Variants in FBLN2 observed in about 807,000 individuals in gnomAD.
The protein encoded by FBLN2 is fibulin 2.
FBLN2 carries 81 observed loss-of-function variants against 123.7 expected under a neutral mutation model. The ratio of observed to expected loss-of-function variants is 0.65; its 90% confidence interval spans 0.55 to 0.79. FBLN2 has a LOEUF of 0.79. Ranked by LOEUF, FBLN2 falls within the 30% of genes least tolerant of loss-of-function variation. The pLI is 0.00. For synonymous variants in FBLN2, 699 were observed against 701.4 expected (o/e 1.00, Z 0.05); for missense variants, 1,603 against 1,681.3 (o/e 0.95, Z 0.81).
chr3:13,564,529 G>A (rs896043078), intron 1 of FBLN2, among the ~76,000 whole-genome samples: 1 of 152,224 alleles, frequency 6.6e-6, no homozygotes, highest in Admixed American at 6.5e-5. Context: ...GCCAAATACT[G>A]TACAGGACAT....
At chr3:13,627,142 T>C (rs74478654) in intron 10 of FBLN2, among the ~76,000 whole-genome samples, 4,904 of 151,726 alleles carry the variant, frequency 0.032, 258 homozygotes, top group African/African-American at 0.11. Flanking sequence ...GGGGCCCCTG[T>C]AAGTGGTGGG....
chr3:13,621,972 C>T (rs1423292452), intron 9 of FBLN2, 57 bp downstream of exon 9: 2 of 1,580,312 alleles, frequency 1.3e-6, no homozygotes, highest in Admixed American at 1.7e-5. Context: ...TGCTCCACGC[C>T]AAGCCCACCA....
intron 16 of FBLN2, among the ~76,000 whole-genome samples, chr3:13,633,180 G>C (rs547698574): frequency 9.2e-5 from 14 of 152,372 alleles, no homozygotes; most frequent in African/African-American, 3.1e-4. Context: ...CCACTAGAGA[G>C]GGCTTCCCGG....
At chr3:13,627,998 A>G in intron 11 of FBLN2, 29 bp downstream of exon 11, 1 of 1,608,956 alleles carries the variant, frequency 6.2e-7, no homozygotes, top group Non-Finnish European at 8.5e-7. Context: ...GCTGGGGATC[A>G]TCAGCCTAGG....
chr3:13,568,195 G>A (rs1004227192), intron 1 of FBLN2, among the ~76,000 whole-genome samples: 3 of 152,174 alleles, frequency 2.0e-5, no homozygotes, highest in African/African-American at 7.2e-5. Context: ...CCCTGAGCCT[G>A]GTCTGGGCAT....
chr3:13,568,894 G>C, intron 1 of FBLN2: 1 of 985,728 alleles, frequency 1.0e-6, no homozygotes, highest in Non-Finnish European at 1.2e-6. Context: ...ATAAACCCCT[G>C]GTTCCTAGAG....
intron 2 of FBLN2, 101 bp downstream of exon 2, chr3:13,571,762 G>T (rs1313043181): frequency 7.2e-7 from 1 of 1,382,478 alleles, no homozygotes; most frequent in Non-Finnish European, 9.6e-7. Flanking sequence ...GGGGATGCTG[G>T]ACTGTGGGGC....
intron 2 of FBLN2, among the ~76,000 whole-genome samples, chr3:13,578,376 G>A (rs904197070): frequency 3.3e-5 from 5 of 152,026 alleles, no homozygotes; most frequent in Admixed American, 6.5e-5. Flanking sequence ...CCCAGTCCCC[G>A]GTAGCCAGGA....
In FBLN2 at chr3:13,575,235, G is replaced by A. The variant is rs987895016; in HGVS notation, c.1306+3574G>A. Among the ~76,000 whole-genome samples the A allele has an allele frequency of 3.1e-4, 47 of 152,280 alleles. No homozygotes were observed. The East Asian group carries it at 6.2e-3, about 20-fold the overall frequency. ...AAACTGAGGCACAAAACCATAAGCC[G>A]CATGCTCAGATTCTGTGGGTTGAGC... On this transcript the variant is annotated intron_variant, in intron 2 of 17. Transcript: ENST00000404922.
intron 2 of FBLN2, among the ~76,000 whole-genome samples, chr3:13,603,147 G>A (rs1312720661): frequency 6.6e-6 from 1 of 151,694 alleles, no homozygotes; most frequent in Admixed American, 6.6e-5. Flanking sequence ...TCCTGACCTC[G>A]TGATCCGCAT....
chr3:13,612,565 T>C (rs1365372066), intron 4 of FBLN2, among the ~76,000 whole-genome samples: 8 of 151,928 alleles, frequency 5.3e-5, no homozygotes, highest in Admixed American at 5.2e-4. Context: ...GTATTTTTAG[T>C]AGAGACGGGG....
chr3:13,558,331 A>C (rs900209789), intron 1 of FBLN2, among the ~76,000 whole-genome samples: 1 of 151,662 alleles, frequency 6.6e-6, no homozygotes, highest in Non-Finnish European at 1.5e-5. Context: ...TGTCTCTGTC[A>C]GTCTCTGTGT....
At chr3:13,591,208 C>T (rs1287865383) in intron 2 of FBLN2, among the ~76,000 whole-genome samples, 1 of 152,182 alleles carries the variant, frequency 6.6e-6, no homozygotes, top group African/African-American at 2.4e-5. Flanking sequence ...TGTCATTTGC[C>T]TATTTTAAAA....
chr3:13,549,265 G>A, intron 1 of FBLN2, 57 bp downstream of exon 1: 1 of 969,992 alleles, frequency 1.0e-6, no homozygotes, highest in Non-Finnish European at 1.2e-6. Flanking sequence ...GCGCCTCGCA[G>A]CTCAGGACTC....
intron 2 of FBLN2, 132 bp from the exon 3 acceptor site, chr3:13,607,930 G>T (rs1046167296): frequency 4.7e-5 from 31 of 658,274 alleles, no homozygotes; most frequent in Admixed American, 3.2e-4. Context: ...TGAGCTGTTA[G>T]CGACCAGCAT....
intron 2 of FBLN2, among the ~76,000 whole-genome samples, chr3:13,604,952 C>T: frequency 6.6e-6 from 1 of 152,218 alleles, no homozygotes; most frequent in East Asian, 1.9e-4. Context: ...AGCCCTGTGC[C>T]CTTACGTGAA....
At position 13,619,801 on chromosome 3, in the gene FBLN2, G is replaced by A. The variant is rs1158252692; in HGVS notation, c.2125G>A (p.Ala709Thr). The A allele has an allele frequency of 6.8e-6, 11 of 1,612,620 alleles. No homozygotes were observed. Among genetic ancestry groups the A allele is most frequent in the South Asian group, 1.1e-5 (1 of 90,816 alleles). The change falls in exon 8 of 18, where the codon GCC (alanine) becomes ACC (threonine). Residue 709 changes from alanine (A) to threonine (T), a missense_variant. By Grantham distance (58) the Ala-to-Thr change is moderately conservative (BLOSUM62 0). Coordinates refer to ENST00000404922, the MANE Select transcript of FBLN2 (RefSeq NM_001004019.2). ...CATATGCTCCTGTTTTCCCGGCTAT[G>A]CCATCATGGCGGATGGCGTGTCCTG... ...SAICSCFPGY[A>T]IMADGVSCED...
At chr3:13,557,926 C>T (rs1703504369) in intron 1 of FBLN2, among the ~76,000 whole-genome samples, 1 of 152,220 alleles carries the variant, frequency 6.6e-6, no homozygotes, top group Non-Finnish European at 1.5e-5. Context: ...CTGGCTGTCT[C>T]CCTTGGCTTT....
chr3:13,629,279 C>G lies in FBLN2; in HGVS notation c.2829C>G (p.Gly943=), dbSNP rs1477765077. ...CCGGCTTTCAGCGGGATGCCTTTGG[C>G]CGGGGCTGCATCGGTAGGTAGGCTG... The part of the protein sequence containing the change: ...CKAGFQRDAF[G]RGCIDVNECW... Residue 943 remains glycine (G), a synonymous_variant, in exon 13 of 18, where the codon GGC becomes GGG. Transcript: ENST00000404922. 6.2e-7 allele frequency: 1 copy of G among 1,609,434 alleles called. No homozygotes were observed. Among genetic ancestry groups the G allele is most frequent in the Non-Finnish European group, 8.5e-7 (1 of 1,178,692 alleles).
Sources: allele counts gnomAD v4.1 joint callset (sites outside exome capture counted in the v4.1 genomes callset), GRCh38; gene constraint gnomAD v4.1.1; transcripts MANE v1.5; gene names NCBI Gene and HGNC (gene_info 2026-07-23, HGNC 2026-07-21).